The following NEBL variants were observed in gnomAD, a reference collection of about 807,000 sequenced individuals.
NEBL encodes nebulette, also known as LIM and SH3 protein 2.
Under a neutral mutation model 140.2 loss-of-function variants are expected in NEBL, and 122 were observed. The observed-to-expected ratio is 0.87, with a 90% confidence interval of 0.75 to 1.01. NEBL has a LOEUF of 1.01. Among genes scored for constraint, NEBL ranks in the 50% least tolerant of loss-of-function variants. The pLI, the probability that NEBL is intolerant of heterozygous loss-of-function variation, is 0.00. For missense variants in NEBL, 1,365 were observed against 1,231.3 expected (o/e 1.11, Z -1.62); for synonymous variants, 436 against 398.9 (o/e 1.09, Z -1.11).
Position 20,783,555 on chromosome 10 carries a change from G to A in NEBL, c.*2192C>T, listed in dbSNP as rs1166127442. On this transcript the variant is annotated 3_prime_UTR_variant, in exon 28 of 28. Transcript: ENST00000377122. Reference sequence around the variant, plus strand: ...TTCCTGATTACAAGCATTATTTCAAGTCAGTTTTCATTGCGGTTCTTATAA... The same window carrying A: ...TTCCTGATTACAAGCATTATTTCAAATCAGTTTTCATTGCGGTTCTTATAA... 1 of 152,220 alleles carries A rather than the reference G, an allele frequency of 6.6e-6. No individual in the cohort carries two copies. The highest frequency in any genetic ancestry group is 1.5e-5 in the Non-Finnish European group (1 of 68,032). The allele number at this position is 152,220 out of a possible 1,614,324, so 9.4% of individuals were successfully genotyped here.
chr10:20,941,568 T>G (rs1243740443), intron 4 of NEBL, among the ~76,000 whole-genome samples: 2 of 151,176 alleles, frequency 1.3e-5, no homozygotes, highest in African/African-American at 2.4e-5. Context: ...AACATAGTGT[T>G]GGAAGTTCTG....
chr10:20,923,291 C>A (rs1016933039), intron 4 of NEBL, among the ~76,000 whole-genome samples: 3 of 152,036 alleles, frequency 2.0e-5, no homozygotes, highest in African/African-American at 7.2e-5. Context: ...TGGTCTCAAA[C>A]CCCTGGGCTC....
chr10:21,055,432 T>G (rs74415627), intron 2 of NEBL, among the ~76,000 whole-genome samples: 9,360 of 152,230 alleles, frequency 0.061, 397 homozygotes, highest in Middle Eastern at 0.16. Flanking sequence ...CTTTTAACTT[T>G]GGTGTCAATG....
intron 26 of NEBL, among the ~76,000 whole-genome samples, chr10:20,799,617 C>G (rs1588627261): frequency 1.3e-5 from 2 of 152,264 alleles, no homozygotes; most frequent in Middle Eastern, 6.8e-3. Flanking sequence ...GGAAGTACAA[C>G]TGAAATTCTG....
intron 4 of NEBL, among the ~76,000 whole-genome samples, chr10:20,923,565 G>T (rs533223351): frequency 4.1e-5 from 6 of 145,898 alleles, no homozygotes; most frequent in African/African-American, 1.5e-4. Context: ...TGTAGTCCCA[G>T]CTACTCAGGA....
intron 3 of NEBL, among the ~76,000 whole-genome samples, chr10:21,214,828 C>T (rs1000683614): frequency 2.0e-5 from 3 of 152,150 alleles, no homozygotes; most frequent in Non-Finnish European, 4.4e-5. Context: ...TGGCTACACT[C>T]CTAATATTAG....
rs375964583 is a variant in NEBL at position 20,794,826 on chromosome 10, G to A, written c.2762-7518C>T. Among the ~76,000 whole-genome samples, 101 of 152,198 alleles carry A rather than the reference G, an allele frequency of 6.6e-4. 1 individual carries two copies. The highest frequency in any genetic ancestry group is 2.1e-3 in the African/African-American group (89 of 41,522). ...GCTTTTCAGGAACATCCTTAGTCTC[G>A]GGCAATTTGGGATGTTCGGTTTTTT... On this transcript the variant is annotated intron_variant, in intron 26 of 27. Coordinates refer to ENST00000377122, the MANE Select transcript of NEBL (RefSeq NM_006393.3).
intron 2 of NEBL, among the ~76,000 whole-genome samples, chr10:21,117,886 A>G (rs1838357078): frequency 4.6e-5 from 7 of 152,036 alleles, no homozygotes. Context: ...TACATAAGTT[A>G]TCTAACCTGA....
At chr10:20,843,221 C>T (rs955842975) in intron 12 of NEBL, among the ~76,000 whole-genome samples, 1 of 152,022 alleles carries the variant, frequency 6.6e-6, no homozygotes, top group Middle Eastern at 3.2e-3. Flanking sequence ...AAGGTGTCTG[C>T]AAGCCGGTAA....
intron 3 of NEBL, among the ~76,000 whole-genome samples, chr10:21,189,395 C>T (rs1210121463): frequency 2.6e-5 from 4 of 152,138 alleles, no homozygotes; most frequent in African/African-American, 9.7e-5. Context: ...TATCCAGACA[C>T]CTTGATTTCA....
At chr10:21,010,986 T>C (rs1253938467) in intron 3 of NEBL, among the ~76,000 whole-genome samples, 2 of 152,172 alleles carry the variant, frequency 1.3e-5, no homozygotes, top group Non-Finnish European at 2.9e-5. Flanking sequence ...ATTTAGAGAA[T>C]GGTCAAATGA....
At chr10:21,016,641 G>A (rs973447844) in intron 3 of NEBL, among the ~76,000 whole-genome samples, 1 of 152,140 alleles carries the variant, frequency 6.6e-6, no homozygotes, top group African/African-American at 2.4e-5. Flanking sequence ...TGAAAACTTG[G>A]AGCTATGAAT....
At chr10:20,871,073 A>G (rs1844882290) in intron 5 of NEBL, among the ~76,000 whole-genome samples, 1 of 152,244 alleles carries the variant, frequency 6.6e-6, no homozygotes, top group Non-Finnish European at 1.5e-5. Flanking sequence ...TATTAAAGTC[A>G]TAATGCAAAG....
chr10:21,248,521 G>A (rs1451227382), intron 2 of NEBL, among the ~76,000 whole-genome samples: 2 of 152,164 alleles, frequency 1.3e-5, no homozygotes, highest in Non-Finnish European at 2.9e-5. Context: ...TAGGACTGAA[G>A]AACATTCGAT....
At chr10:21,138,822 TAAAAAAAA>T (rs60213612) in intron 2 of NEBL, among the ~76,000 whole-genome samples, 1 of 120,174 alleles carries the variant, frequency 8.3e-6, no homozygotes, top group African/African-American at 3.1e-5. Flanking sequence ...CTAAACTATT[TAAAAAAAA>T]AAAAAAAAAG....
chr10:21,246,695 G>A (rs34894543), intron 3 of NEBL, among the ~76,000 whole-genome samples: 45,774 of 151,780 alleles, frequency 0.3, 8,463 homozygotes, highest in African/African-American at 0.52. Flanking sequence ...ATCATCGAGC[G>A]TGGTGGTGCA....
rs142094437 is a variant in NEBL at position 20,807,981 on chromosome 10, T to TAA, written c.2761+527_2761+528dup. 2.9e-3 allele frequency among the ~76,000 whole-genome samples: 399 copies of TAA among 139,784 alleles called. 3 individuals carry two copies. Among genetic ancestry groups the TAA allele is most frequent in the African/African-American group, 9.9e-3 (386 of 38,878 alleles). 91.7% of individuals were successfully genotyped at this position (139,784 alleles called of 152,430 possible). ...TTAACAATCAATAGTATTTCTCATT[T>TAA]AAAAAAAAAAAAAAACCCTCTCATA... On this transcript the variant is annotated intron_variant, in intron 26 of 27. Transcript: ENST00000377122.
chr10:20,985,506 T>C (rs1837219633), intron 3 of NEBL, among the ~76,000 whole-genome samples: 1 of 152,188 alleles, frequency 6.6e-6, no homozygotes, highest in Admixed American at 6.5e-5. Flanking sequence ...TCATATAAAA[T>C]ACCAGAACAT....
intron 8 of NEBL, among the ~76,000 whole-genome samples, chr10:20,858,883 G>A (rs564468993): frequency 2.6e-5 from 4 of 152,150 alleles, no homozygotes; most frequent in Non-Finnish European, 5.9e-5. Flanking sequence ...TATTAAGTAG[G>A]TACTTTAAGT....
Sources: allele counts gnomAD v4.1 joint callset (sites outside exome capture counted in the v4.1 genomes callset), GRCh38; gene constraint gnomAD v4.1.1; transcripts MANE v1.5; gene names NCBI Gene and HGNC (gene_info 2026-07-23, HGNC 2026-07-21).